Variants in NEK11 observed in about 807,000 individuals in gnomAD.
NEK11 encodes the protein NIMA related kinase 11.
NEK11 carries 72 observed loss-of-function variants against 80.7 expected under a neutral mutation model. The ratio of observed to expected loss-of-function variants is 0.89; its 90% CI spans 0.74 to 1.08. The LOEUF is 1.08. Among genes scored for constraint, NEK11 ranks in the 50% least tolerant of loss-of-function variants. NEK11 has a pLI of 0.00. For synonymous variants in NEK11, 251 were observed against 260.7 expected (o/e 0.96, Z 0.36); for missense variants, 764 against 763.6 (o/e 1.00, Z -0.01).
At chr3:131,076,478 A>G (rs1308240969) in intron 3 of NEK11, among the ~76,000 whole-genome samples, 1 of 152,220 alleles carries the variant, frequency 6.6e-6, no homozygotes, top group Non-Finnish European at 1.5e-5. Context: ...AGAAAGGCAG[A>G]TAAAAATAAT....
chr3:131,095,964 A>G (rs2077367132), intron 4 of NEK11, among the ~76,000 whole-genome samples: 1 of 152,208 alleles, frequency 6.6e-6, no homozygotes, highest in Admixed American at 6.5e-5. Context: ...AAGTTACATA[A>G]TTATAGAAAA....
In NEK11 at chr3:131,331,242, T is replaced by C. The variant is rs897792344; in HGVS notation, c.1719-18315T>C. Reference sequence around the variant, plus strand: ...ACCGGTAACAGAACTCTTAGTGTGATGGACAGAGATAGAAACTAGCATTCA... The same window carrying C: ...ACCGGTAACAGAACTCTTAGTGTGACGGACAGAGATAGAAACTAGCATTCA... On this transcript the variant is annotated intron_variant, in intron 17 of 17. Coordinates refer to ENST00000383366, the MANE Select transcript of NEK11 (RefSeq NM_024800.5). 1.4e-4 allele frequency among the ~76,000 whole-genome samples: 22 copies of C among 152,210 alleles called. 1 individual carries two copies.
chr3:131,183,045 G>T (rs1270388999), intron 14 of NEK11, among the ~76,000 whole-genome samples: 1 of 152,146 alleles, frequency 6.6e-6, no homozygotes, highest in Non-Finnish European at 1.5e-5. Flanking sequence ...CCTTTTATTT[G>T]TGAGATTATA....
In NEK11 at chr3:131,313,445, A is replaced by G. The variant is rs142607898; in HGVS notation, c.1719-36112A>G. Reference sequence around the variant, plus strand: ...AATTTACCTCCCACCAGCAGTGTGTAAGTGTTCTCTTTTCTCTGCAACCTC... The same window carrying G: ...AATTTACCTCCCACCAGCAGTGTGTGAGTGTTCTCTTTTCTCTGCAACCTC... On this transcript the variant is annotated intron_variant, in intron 17 of 17. Transcript: ENST00000383366. Among the ~76,000 whole-genome samples the G allele has an allele frequency of 1.6e-3, 239 of 152,282 alleles. 1 individual carries two copies. Among genetic ancestry groups the G allele is most frequent in the African/African-American group, 4.2e-3 (175 of 41,566 alleles).
At chr3:131,199,173 A>C (rs2094139230) in intron 14 of NEK11, among the ~76,000 whole-genome samples, 1 of 152,218 alleles carries the variant, frequency 6.6e-6, no homozygotes, top group Admixed American at 6.5e-5. Context: ...AGAAATAACA[A>C]ATTAAGAAAA....
At chr3:131,074,187 C>T (rs1045003002) in intron 3 of NEK11, among the ~76,000 whole-genome samples, 5 of 152,088 alleles carry the variant, frequency 3.3e-5, no homozygotes, top group Non-Finnish European at 5.9e-5. Flanking sequence ...TCTCAGGGTT[C>T]GCCTTCTAGG....
chr3:131,164,861 A>G (rs2092049301), intron 11 of NEK11, among the ~76,000 whole-genome samples: 1 of 152,208 alleles, frequency 6.6e-6, no homozygotes, highest in Non-Finnish European at 1.5e-5. Context: ...GTGTTCAGTG[A>G]TGAAAACCTG....
chr3:131,066,731 AC>A (rs2148872022), intron 3 of NEK11, among the ~76,000 whole-genome samples: 1 of 151,620 alleles, frequency 6.6e-6, no homozygotes, highest in Non-Finnish European at 1.5e-5. Flanking sequence ...AATCCCAGCT[AC>A]TCGGGAGGCT....
At chr3:131,203,795 A>G (rs1378884146) in intron 14 of NEK11, among the ~76,000 whole-genome samples, 21 of 9,794 alleles carry the variant, frequency 2.1e-3, no homozygotes, top group African/African-American at 3.4e-3. Flanking sequence ...ATATATATAT[A>G]TATATATATA....
intron 3 of NEK11, among the ~76,000 whole-genome samples, chr3:131,037,801 A>G (rs1461054632): frequency 1.3e-5 from 2 of 152,208 alleles, no homozygotes; most frequent in Non-Finnish European, 2.9e-5. Flanking sequence ...GAGTCATTTT[A>G]AACAAAACAT....
chr3:131,264,128 A>G (rs960387914), intron 16 of NEK11, among the ~76,000 whole-genome samples: 2 of 152,104 alleles, frequency 1.3e-5, no homozygotes, highest in African/African-American at 4.8e-5. Context: ...TTGTCAGATG[A>G]GTAGATTGTA....
chr3:131,079,335 AT>A (rs1407735742), intron 3 of NEK11, among the ~76,000 whole-genome samples: 1 of 152,186 alleles, frequency 6.6e-6, no homozygotes, highest in Non-Finnish European at 1.5e-5. Flanking sequence ...CTGGAGAATG[AT>A]GGTTAATCTA....
chr3:131,200,570 T>C (rs2094189903), intron 14 of NEK11, among the ~76,000 whole-genome samples: 1 of 152,222 alleles, frequency 6.6e-6, no homozygotes, highest in East Asian at 1.9e-4. Context: ...AAATTGACCC[T>C]TCTGCTCTTA....
chr3:131,175,230 TACTC>T lies in NEK11; in HGVS notation c.1399+4349_1399+4352del, dbSNP rs567666764. 1.9e-3 allele frequency: 1,008 copies of T among 540,690 alleles called. 2 individuals carry two copies. The highest frequency in any genetic ancestry group is 3.0e-3 in the South Asian group (36 of 12,010). 33.5% of individuals were successfully genotyped at this position (540,690 alleles called of 1,614,324 possible). A position where few individuals can be genotyped will look rare whatever the true frequency, so the allele number is the denominator to read the frequency against. Reference sequence around the variant, plus strand: ...AGATAGTTATCTGAAAGAAAACCTTTACTCACTCAGTAATTCCACTTTTAGATAG... The same window carrying T: ...AGATAGTTATCTGAAAGAAAACCTTTACTCAGTAATTCCACTTTTAGATAG... On this transcript the variant is annotated intron_variant, in intron 14 of 17. Transcript: ENST00000383366.
At position 131,243,191 on chromosome 3, in the gene NEK11, AC is replaced by A. The variant is rs201859988; in HGVS notation, c.1561-243del. 9.4e-3 allele frequency among the ~76,000 whole-genome samples: 1,430 copies of A among 152,256 alleles called. 15 individuals carry two copies. Among genetic ancestry groups the A allele is most frequent in the African/African-American group, 0.031 (1,275 of 41,546 alleles). On this transcript the variant is annotated intron_variant, in intron 15 of 17. Transcript: ENST00000383366. Reference sequence around the variant, plus strand: ...CTCATAATTTAATCTTTTAGTCAAAACCACTGCTAACATTTTTTTGTATGTT... The same window carrying A: ...CTCATAATTTAATCTTTTAGTCAAAACACTGCTAACATTTTTTTGTATGTT...
At chr3:131,181,013 G>A (rs2093315659) in intron 14 of NEK11, among the ~76,000 whole-genome samples, 1 of 152,170 alleles carries the variant, frequency 6.6e-6, no homozygotes, top group Non-Finnish European at 1.5e-5. Flanking sequence ...GAAGAAGAAT[G>A]GGCTCCAAAG....
intron 17 of NEK11, among the ~76,000 whole-genome samples, chr3:131,343,653 C>A (rs1246800269): frequency 1.3e-5 from 2 of 152,200 alleles, no homozygotes; most frequent in African/African-American, 2.4e-5. Context: ...GCCACTTTCA[C>A]TCTTGCATTC....
chr3:131,115,137 G>T (rs571226448), intron 5 of NEK11, among the ~76,000 whole-genome samples: 1 of 152,278 alleles, frequency 6.6e-6, no homozygotes, highest in South Asian at 2.1e-4. Flanking sequence ...CCAATCCCTT[G>T]ATGGCTTGAA....
At chr3:131,126,959 C>CTTTTTT (rs71133688) in intron 5 of NEK11, among the ~76,000 whole-genome samples, 67 of 90,090 alleles carry the variant, frequency 7.4e-4, no homozygotes, top group African/African-American at 2.9e-3. Context: ...TTCTTTCTTT[C>CTTTTTT]TTTTTTTTTT....
Sources: allele counts gnomAD v4.1 joint callset (sites outside exome capture counted in the v4.1 genomes callset), GRCh38; gene constraint gnomAD v4.1.1; transcripts MANE v1.5; gene names NCBI Gene and HGNC (gene_info 2026-07-23, HGNC 2026-07-21).